TMEM117: variants seen among roughly 807,000 people sequenced by gnomAD.
TMEM117 encodes transmembrane protein 117.
A neutral mutation model predicts 52.4 loss-of-function variants in TMEM117; 27 were observed. That is an observed-to-expected ratio of 0.51 (90% CI 0.38 to 0.71). The LOEUF (loss-of-function observed/expected upper bound fraction) is 0.71, where lower values mean the gene tolerates loss of function less well. Ranked by LOEUF, TMEM117 falls within the 30% of genes least tolerant of loss-of-function variation. The pLI, the probability that TMEM117 is intolerant of heterozygous loss-of-function variation, is 0.00. For missense variants in TMEM117, 556 were observed against 630.5 expected (o/e 0.88, Z 1.26); for synonymous variants, 215 against 206.3 (o/e 1.04, Z -0.36).
At position 43,976,643 on chromosome 12, in the gene TMEM117, C is replaced by T. The variant is rs537525931; in HGVS notation, c.410+32301C>T. Among the ~76,000 whole-genome samples, 14 of 152,272 alleles carry T rather than the reference C, an allele frequency of 9.2e-5. No individual in the cohort carries two copies. In the South Asian group the frequency reaches 2.5e-3, roughly 27 times the overall value. ...AGGGTAAGAACAGCTGCTTTCAGCT[C>T]ATTCTTCCCTGAAGCTTTGCAAAAC... On this transcript the variant is annotated intron_variant, in intron 3 of 7. Coordinates refer to ENST00000266534, the MANE Select transcript of TMEM117 (RefSeq NM_032256.3).
At chr12:43,824,333 G>A in the TMEM117 span, among the ~76,000 whole-genome samples, 1 of 152,184 alleles carries the variant, frequency 6.6e-6, no homozygotes, top group Non-Finnish European at 1.5e-5. Context: ...GCTAATTTGT[G>A]ATTAGGAGGG....
intron 6 of TMEM117, among the ~76,000 whole-genome samples, chr12:44,307,053 G>T (rs1950913004): frequency 6.6e-6 from 1 of 152,144 alleles, no homozygotes; most frequent in African/African-American, 2.4e-5. Context: ...TTTTGTGCGT[G>T]GCTCTAAGAA....
At chr12:44,189,646 G>A (rs1021757687) in intron 4 of TMEM117, among the ~76,000 whole-genome samples, 2 of 152,080 alleles carry the variant, frequency 1.3e-5, no homozygotes, top group African/African-American at 4.8e-5. Context: ...CTTAAAGATC[G>A]TTTACGTAAA....
intron 2 of TMEM117, among the ~76,000 whole-genome samples, chr12:43,894,558 C>T (rs1216235492): frequency 6.6e-6 from 1 of 151,952 alleles, no homozygotes; most frequent in Non-Finnish European, 1.5e-5. Flanking sequence ...TCCCACCCTC[C>T]ACCCTCCAAT....
chr12:43,871,099 T>G (rs531189799), intron 2 of TMEM117, among the ~76,000 whole-genome samples: 37 of 150,398 alleles, frequency 2.5e-4, no homozygotes, highest in Admixed American at 9.3e-4. Flanking sequence ...TTTTGTTTTT[T>G]TTTTTTTGTT....
intron 5 of TMEM117, among the ~76,000 whole-genome samples, chr12:44,254,859 C>G (rs1474336388): frequency 1.3e-5 from 2 of 151,736 alleles, no homozygotes; most frequent in African/African-American, 4.8e-5. Context: ...CTTCCTGTGT[C>G]CATGTATTCT....
chr12:44,161,178 C>T lies in TMEM117; in HGVS notation c.510+17554C>T, dbSNP rs186359576. 3.4e-3 allele frequency among the ~76,000 whole-genome samples: 523 copies of T among 152,028 alleles called. 3 individuals are homozygous for T. The highest frequency in any genetic ancestry group is 0.012 in the African/African-American group (509 of 41,484). On this transcript the variant is annotated intron_variant, in intron 4 of 7. Transcript: ENST00000266534. ...TAGTTAACATAAACACAAATTAAAC[C>T]CTGGAAGTTTGTGACTATAATTGTG...
intron 6 of TMEM117, among the ~76,000 whole-genome samples, chr12:44,330,109 T>A (rs780270601): frequency 3.3e-5 from 5 of 152,010 alleles, no homozygotes; most frequent in African/African-American, 4.8e-5. Flanking sequence ...ACATTCCCAC[T>A]GTCAATGCAC....
chr12:43,961,081 A>G (rs139151654), intron 3 of TMEM117, among the ~76,000 whole-genome samples: 64 of 152,242 alleles, frequency 4.2e-4, no homozygotes, highest in African/African-American at 1.4e-3. Context: ...CAGTTTCCTC[A>G]AGTGTAAAAT....
chr12:44,191,336 C>T (rs1949350144), intron 4 of TMEM117, among the ~76,000 whole-genome samples: 1 of 152,024 alleles, frequency 6.6e-6, no homozygotes, highest in African/African-American at 2.4e-5. Context: ...AGGGTCACAG[C>T]CAAACCATGT....
At chr12:44,166,499 C>T (rs952887214) in intron 4 of TMEM117, among the ~76,000 whole-genome samples, 6 of 152,120 alleles carry the variant, frequency 3.9e-5, no homozygotes, top group Non-Finnish European at 7.4e-5. Flanking sequence ...TTCCTTCATA[C>T]AAACATTTTA....
At chr12:44,217,237 T>C (rs537241653) in intron 5 of TMEM117, among the ~76,000 whole-genome samples, 1 of 152,236 alleles carries the variant, frequency 6.6e-6, no homozygotes, top group South Asian at 2.1e-4. Flanking sequence ...AGCAACTCAT[T>C]TGCCATTATT....
At chr12:44,180,245 A>G (rs1336745730) in intron 4 of TMEM117, among the ~76,000 whole-genome samples, 1 of 146,984 alleles carries the variant, frequency 6.8e-6, no homozygotes. Flanking sequence ...CATCATCGTC[A>G]TCATCATCAT....
At chr12:43,929,639 T>A (rs2137576647) in intron 2 of TMEM117, among the ~76,000 whole-genome samples, 1 of 152,302 alleles carries the variant, frequency 6.6e-6, no homozygotes, top group East Asian at 1.9e-4. Flanking sequence ...ACCATGTCTG[T>A]GTGAGCTTTT....
chr12:43,837,746 T>G (rs1341959657), intron 1 of TMEM117, among the ~76,000 whole-genome samples: 1 of 152,226 alleles, frequency 6.6e-6, no homozygotes, highest in African/African-American at 2.4e-5. Context: ...CTCCGGCTCA[T>G]AAATATTTTG....
At chr12:43,934,948 T>C (rs988148269) in intron 2 of TMEM117, among the ~76,000 whole-genome samples, 3 of 152,244 alleles carry the variant, frequency 2.0e-5, no homozygotes, top group African/African-American at 4.8e-5. Context: ...ACTTTGTTGA[T>C]GTCCCATTCA....
chr12:44,152,601 AT>A (rs1948762536), intron 4 of TMEM117, among the ~76,000 whole-genome samples: 1 of 125,472 alleles, frequency 8.0e-6, no homozygotes, highest in Admixed American at 8.9e-5. Context: ...TATATCATAT[AT>A]AAATTTTTAT....
intron 2 of TMEM117, among the ~76,000 whole-genome samples, chr12:43,865,856 ATAAT>A (rs1246266025): frequency 6.6e-6 from 1 of 151,882 alleles, no homozygotes; most frequent in Non-Finnish European, 1.5e-5. Context: ...TGATTAGCCA[ATAAT>A]TAATAATAAT....
the TMEM117 span, among the ~76,000 whole-genome samples, chr12:43,826,288 G>C: frequency 5.3e-5 from 8 of 152,286 alleles, no homozygotes; most frequent in Admixed American, 4.6e-4. Flanking sequence ...GGTTTACTCT[G>C]TGCCAGGCAC....
Sources: gnomAD v4.1 joint callset for allele counts (sites outside exome capture counted in the v4.1 genomes callset) on GRCh38, gnomAD v4.1.1 for gene constraint, MANE v1.5 for transcripts, NCBI Gene and HGNC (gene_info 2026-07-23, HGNC 2026-07-21) for gene names.